MSH3: variants seen among roughly 807,000 people sequenced by gnomAD.
The protein encoded by MSH3 is DNA mismatch repair protein Msh3.
Under a neutral mutation model 123.3 loss-of-function variants are expected in MSH3, and 106 were observed. The observed-to-expected ratio is 0.86, with a 90% CI of 0.73 to 1.01. MSH3 has a LOEUF of 1.01. MSH3 is among the 50% of genes least tolerant of loss of function. MSH3 has a pLI of 0.00. For missense variants in MSH3, 1,459 were observed against 1,347.6 expected, an observed-to-expected ratio of 1.08 and a Z score of -1.29; for synonymous variants, 515 against 481.4, an observed-to-expected ratio of 1.07 and a Z score of -0.91.
chr5:80,841,848 TG>T (rs1433750228), intron 20 of MSH3, among the ~76,000 whole-genome samples: 4 of 152,324 alleles, frequency 2.6e-5, no homozygotes, highest in Admixed American at 6.5e-5. Context: ...TCTCCCATTC[TG>T]TAGGTTGCCT....
rs1749754065 is a variant in MSH3 at position 80,672,837 on chromosome 5, A to G, written c.1006A>G (p.Lys336Glu). The G allele has an allele frequency of 6.2e-7, 1 of 1,612,478 alleles. No individual in the cohort carries two copies. Among genetic ancestry groups the G allele is most frequent in the Non-Finnish European group, 8.5e-7 (1 of 1,178,472 alleles). ...CCGGAAATTGACTGCCCTTTATACA[A>G]AATCTACACTTATTGGAGAAGATAT... Reference protein sequence around the residue: ...FSRKLTALYTKSTLIGEDVNP... With the variant: ...FSRKLTALYTESTLIGEDVNP... Residue 336 changes from lysine (K) to glutamate (E), a missense_variant, in exon 6 of 24, where the codon AAA becomes GAA. Physicochemically the swap from Lys to Glu is moderately conservative, Grantham distance 56 (BLOSUM62 1). Coordinates refer to ENST00000265081, the MANE Select transcript of MSH3 (RefSeq NM_002439.5).
At chr5:80,846,353 C>A (rs987575313) in intron 20 of MSH3, among the ~76,000 whole-genome samples, 46 of 151,330 alleles carry the variant, frequency 3.0e-4, no homozygotes, top group African/African-American at 1.1e-3. Context: ...TCAGGCTACA[C>A]GGGGTTTTGG....
chr5:80,752,946 CAG>C (rs1743861728), intron 12 of MSH3, among the ~76,000 whole-genome samples: 1 of 152,208 alleles, frequency 6.6e-6, no homozygotes, highest in Non-Finnish European at 1.5e-5. Flanking sequence ...GGGGTTCAAA[CAG>C]AAGTGGTGTT....
At chr5:80,733,251 A>G (rs1013156893) in intron 10 of MSH3, among the ~76,000 whole-genome samples, 17 of 152,182 alleles carry the variant, frequency 1.1e-4, no homozygotes, top group African/African-American at 4.1e-4. Context: ...TTTTTCAAAC[A>G]AATGGTGCCA....
chr5:80,697,630 A>G (rs923950696), intron 8 of MSH3, among the ~76,000 whole-genome samples: 4 of 152,196 alleles, frequency 2.6e-5, no homozygotes, highest in Non-Finnish European at 4.4e-5. Flanking sequence ...TGTAAAGGCA[A>G]TGTGTGTCAC....
chr5:80,752,254 G>C (rs1743852419), intron 12 of MSH3, among the ~76,000 whole-genome samples: 1 of 152,006 alleles, frequency 6.6e-6, no homozygotes. Context: ...TGAGGTCTAA[G>C]AGGTAAGGTG....
At chr5:80,820,219 CA>C (rs1288353280) in intron 20 of MSH3, among the ~76,000 whole-genome samples, 1 of 152,128 alleles carries the variant, frequency 6.6e-6, no homozygotes, top group African/African-American at 2.4e-5. Context: ...AAATCTGGTT[CA>C]AAGGTTTCCA....
At chr5:80,753,527 C>T (rs746630805) in intron 12 of MSH3, among the ~76,000 whole-genome samples, 1 of 152,052 alleles carries the variant, frequency 6.6e-6, no homozygotes, top group Non-Finnish European at 1.5e-5. Flanking sequence ...TTGACTAGTT[C>T]TGGGAATTGA....
intron 20 of MSH3, among the ~76,000 whole-genome samples, chr5:80,814,530 C>A (rs1745068731): frequency 6.6e-6 from 1 of 152,176 alleles, no homozygotes; most frequent in Non-Finnish European, 1.5e-5. Context: ...CTTGGCCTCT[C>A]CAAGTGCTGG....
intron 12 of MSH3, among the ~76,000 whole-genome samples, chr5:80,757,039 T>C (rs1430271225): frequency 6.6e-6 from 1 of 152,110 alleles, no homozygotes; most frequent in Admixed American, 6.5e-5. Context: ...AATACACCCC[T>C]AGCAGTTTGT....
At chr5:80,766,339 CTTT>C (rs1166492002) in intron 13 of MSH3, among the ~76,000 whole-genome samples, 2 of 78,216 alleles carry the variant, frequency 2.6e-5, no homozygotes, top group African/African-American at 5.6e-5. Flanking sequence ...TGTTTTTTTC[CTTT>C]TTTTTTTTTT....
At chr5:80,724,253 T>G (rs1376222760) in intron 8 of MSH3, among the ~76,000 whole-genome samples, 1 of 152,256 alleles carries the variant, frequency 6.6e-6, no homozygotes, top group Admixed American at 6.5e-5. Flanking sequence ...GAAATATTTT[T>G]CAGCCATTAA....
chr5:80,725,320 CTCTT>C (rs894025386), intron 8 of MSH3, 129 bp from the exon 9 acceptor site: 4 of 635,582 alleles, frequency 6.3e-6, no homozygotes, highest in South Asian at 3.8e-5. Context: ...TTCTTTCTCT[CTCTT>C]TCTTCAACTT....
intron 2 of MSH3, among the ~76,000 whole-genome samples, chr5:80,658,035 C>CTTTT (rs1554066333): frequency 1.1e-5 from 1 of 87,218 alleles, no homozygotes; most frequent in Non-Finnish European, 2.2e-5. Context: ...GCTTTTTGCC[C>CTTTT]TCTTTTTTTT....
intron 10 of MSH3, among the ~76,000 whole-genome samples, chr5:80,734,857 C>G (rs1035292261): frequency 1.3e-5 from 2 of 152,138 alleles, no homozygotes; most frequent in Admixed American, 6.6e-5. Context: ...ATGTTGTTTA[C>G]CTCATTTGTT....
chr5:80,721,672 G>T (rs559322372), intron 8 of MSH3, among the ~76,000 whole-genome samples: 4 of 152,284 alleles, frequency 2.6e-5, no homozygotes, highest in Admixed American at 6.5e-5. Context: ...CATGTTATCT[G>T]TGGGTTTTAG....
Position 80,654,941 on chromosome 5 carries a change from C to CAG in MSH3, c.214_215insAG (p.Pro72GlnfsTer9), listed in dbSNP as rs1173655914. On this transcript the variant is annotated frameshift_variant, in exon 1 of 24. Transcript: ENST00000265081. LOFTEE classifies it high-confidence loss of function. ...CCCAGCGCCCCCAGCTCCCGCCTTC[C>CAG]CGCCCCAGCTGCCGCCGCACATAGT... 2 of 1,495,810 alleles carry CAG rather than the reference C, an allele frequency of 1.3e-6. No individual in the cohort carries two copies. Among genetic ancestry groups the CAG allele is most frequent in the South Asian group, 1.3e-5 (1 of 78,580 alleles). The allele number at this position is 1,495,810 out of a possible 1,614,324, so 92.7% of individuals were successfully genotyped here.
At chr5:80,682,033 CT>C (rs961596370) in intron 8 of MSH3, among the ~76,000 whole-genome samples, 2 of 152,146 alleles carry the variant, frequency 1.3e-5, no homozygotes, top group South Asian at 2.1e-4. Flanking sequence ...AATCTTTGCA[CT>C]TTTTTTTGTA....
Position 80,792,772 on chromosome 5 carries a change from T to A in MSH3, c.2583T>A (p.Asn861Lys), listed in dbSNP as rs1187454624. The A allele has an allele frequency of 1.9e-6, 3 of 1,613,252 alleles. No homozygotes were observed. In the African/African-American group the frequency reaches 4.0e-5, roughly 22 times the overall value. The change falls in exon 19 of 24, where the codon AAT (asparagine) becomes AAA (lysine). Residue 861 changes from asparagine to lysine, a missense_variant. Physicochemically the swap from Asn to Lys is moderately conservative, Grantham distance 94. Transcript: ENST00000265081. ...VQEERKIVIK[N>K]GRHPVIDVLL... ...AAGAAAGAAAAATTGTAATAAAAAA[T>A]GGAAGGCACCCTGTGATTGATGTGT...
Sources: gnomAD v4.1 joint callset for allele counts (sites outside exome capture counted in the v4.1 genomes callset) on GRCh38, gnomAD v4.1.1 for gene constraint, MANE v1.5 for transcripts, NCBI Gene and HGNC (gene_info 2026-07-23, HGNC 2026-07-21) for gene names.